TENM2: variants seen among roughly 807,000 people sequenced by gnomAD.
TENM2 encodes the protein teneurin transmembrane protein 2, also known as teneurin-2.
A neutral mutation model predicts 245.2 loss-of-function variants in TENM2; 52 were observed. The observed-to-expected ratio is 0.21, with a 90% confidence interval of 0.17 to 0.27. The LOEUF is 0.27. TENM2 is among the 10% of genes least tolerant of loss of function. The pLI is 1.00. For missense variants in TENM2, 3,046 were observed against 3,666.8 expected, an observed-to-expected ratio of 0.83 and a Z score of 4.37; for synonymous variants, 1,363 against 1,438.9, an observed-to-expected ratio of 0.95 and a Z score of 1.19.
At chr5:167,491,818 A>G (rs1430758194) in intron 2 of TENM2, among the ~76,000 whole-genome samples, 1 of 152,090 alleles carries the variant, frequency 6.6e-6, no homozygotes, top group Non-Finnish European at 1.5e-5. Flanking sequence ...ACAACCAACT[A>G]CGTGATCTAA....
chr5:167,032,647 C>T, the TENM2 span, among the ~76,000 whole-genome samples: 15 of 152,170 alleles, frequency 9.9e-5, no homozygotes, highest in Admixed American at 6.5e-4. Flanking sequence ...CTGATAGATA[C>T]GTATGGGAAT....
chr5:167,706,244 A>G (rs1012826618), intron 2 of TENM2, among the ~76,000 whole-genome samples: 13 of 145,938 alleles, frequency 8.9e-5, no homozygotes, highest in Non-Finnish European at 1.6e-4. Context: ...ATTATATAGT[A>G]TACTATATAT....
intron 2 of TENM2, among the ~76,000 whole-genome samples, chr5:167,620,376 A>G (rs749227246): frequency 6.6e-6 from 1 of 152,084 alleles, no homozygotes. Context: ...TCTTGATCAT[A>G]ATTTACTGAA....
chr5:167,988,802 G>A (rs1783437447), intron 4 of TENM2, among the ~76,000 whole-genome samples: 1 of 152,184 alleles, frequency 6.6e-6, no homozygotes, highest in South Asian at 2.1e-4. Flanking sequence ...TTTGTTTGAT[G>A]ACATGTGACC....
chr5:167,020,990 A>C, the TENM2 span, among the ~76,000 whole-genome samples: 1 of 152,062 alleles, frequency 6.6e-6, no homozygotes, highest in Non-Finnish European at 1.5e-5. Context: ...CTAAAATACA[A>C]AAAATTAGCT....
At position 168,198,840 on chromosome 5, in the gene TENM2, A is replaced by G. The variant is rs1761688796; in HGVS notation, c.2901-13A>G. On this transcript the variant is annotated splice_polypyrimidine_tract_variant and intron_variant, in intron 15 of 28. Coordinates refer to ENST00000518659, the Ensembl canonical transcript of TENM2. ...AGTCTACCCCCTCATCAGCTCATTT[A>G]CTCCCTCTCCAGGTTCGACCTGATC... The G allele has an allele frequency of 1.2e-6, 2 of 1,610,672 alleles. No homozygotes were observed. The highest frequency in any genetic ancestry group is 8.5e-7 in the Non-Finnish European group (1 of 1,177,508).
intron 2 of TENM2, among the ~76,000 whole-genome samples, chr5:167,575,118 G>GAA (rs70976436): frequency 0.042 from 5,522 of 132,272 alleles, 228 homozygotes; most frequent in African/African-American, 0.12. Context: ...ATTTGAGAAA[G>GAA]AAAAAAAAAA....
intron 2 of TENM2, among the ~76,000 whole-genome samples, chr5:167,715,140 A>T (rs1759173951): frequency 6.6e-6 from 1 of 152,026 alleles, no homozygotes; most frequent in African/African-American, 2.4e-5. Flanking sequence ...ATAAATTAGT[A>T]TTATGGCTTA....
chr5:167,514,308 C>T (rs1770165660), intron 2 of TENM2, among the ~76,000 whole-genome samples: 3 of 152,206 alleles, frequency 2.0e-5, no homozygotes, highest in Non-Finnish European at 2.9e-5. Context: ...GTTATGAACA[C>T]GGCCCCATCA....
chr5:168,142,150 T>C (rs1229044652), intron 12 of TENM2, among the ~76,000 whole-genome samples: 1 of 152,180 alleles, frequency 6.6e-6, no homozygotes, highest in Non-Finnish European at 1.5e-5. Flanking sequence ...CTGACTAAAC[T>C]AAATTAAAAG....
chr5:168,205,781 A>G lies in TENM2; in HGVS notation c.3824+1160A>G, dbSNP rs1470026504. Among the ~76,000 whole-genome samples, 4 of 152,320 alleles carry G rather than the reference A, an allele frequency of 2.6e-5. No individual in the cohort carries two copies. In the East Asian group the frequency reaches 7.7e-4, roughly 29 times the overall value. ...ACAAGAGTACATTGTATTGCAATGA[A>G]CAAGCAATGGAGGTTGAAGTAGGGA... is the stretch of plus-strand genomic sequence containing the variant. On this transcript the variant is annotated intron_variant, in intron 19 of 28. Coordinates refer to ENST00000518659, the Ensembl canonical transcript of TENM2.
intron 20 of TENM2, among the ~76,000 whole-genome samples, chr5:168,213,656 C>T (rs1762954463): frequency 6.7e-6 from 1 of 150,206 alleles, no homozygotes; most frequent in Non-Finnish European, 1.5e-5. Flanking sequence ...GAGACCCCAT[C>T]TCTACCAAAA....
intron 1 of TENM2, among the ~76,000 whole-genome samples, chr5:167,355,032 C>T (rs887239645): frequency 4.6e-5 from 7 of 152,260 alleles, no homozygotes; most frequent in South Asian, 2.1e-4. Flanking sequence ...GAATAAGATA[C>T]GATATTGTAA....
the TENM2 span, among the ~76,000 whole-genome samples, chr5:167,240,274 CTGTT>C: frequency 6.7e-6 from 1 of 149,126 alleles, no homozygotes; most frequent in Non-Finnish European, 1.5e-5. Flanking sequence ...TTTTTTTGCT[CTGTT>C]TGTCCGTGTT....
the TENM2 span, among the ~76,000 whole-genome samples, chr5:167,076,730 C>T: frequency 1.3e-5 from 2 of 152,180 alleles, no homozygotes; most frequent in African/African-American, 2.4e-5. Context: ...TAGCACCCCC[C>T]TGTTGAAAGT....
intron 2 of TENM2, among the ~76,000 whole-genome samples, chr5:167,386,330 A>G (rs530760858): frequency 2.0e-5 from 3 of 152,136 alleles, no homozygotes; most frequent in African/African-American, 4.8e-5. Flanking sequence ...AAAATAATCT[A>G]TTCTTGTCCT....
chr5:168,011,290 T>C (rs958840815), intron 5 of TENM2, among the ~76,000 whole-genome samples: 6 of 152,220 alleles, frequency 3.9e-5, no homozygotes, highest in Admixed American at 6.5e-5. Context: ...GCATCAGGAT[T>C]CTGCCTTTTT....
At chr5:167,615,810 G>C (rs1777757732) in intron 2 of TENM2, among the ~76,000 whole-genome samples, 1 of 152,058 alleles carries the variant, frequency 6.6e-6, no homozygotes, top group Non-Finnish European at 1.5e-5. Context: ...TTTGCTGGTG[G>C]TGGAAATAGA....
At chr5:167,751,058 A>G (rs1461468200) in intron 2 of TENM2, among the ~76,000 whole-genome samples, 1 of 152,136 alleles carries the variant, frequency 6.6e-6, no homozygotes, top group Admixed American at 6.5e-5. Context: ...GTGTATGTGA[A>G]CTGGGAGGAA....
Sources: allele counts gnomAD v4.1 joint callset (sites outside exome capture counted in the v4.1 genomes callset), GRCh38; gene constraint gnomAD v4.1.1; transcripts MANE v1.5; gene names NCBI Gene and HGNC (gene_info 2026-07-23, HGNC 2026-07-21).